RIC3: variants seen among roughly 807,000 people sequenced by gnomAD.
RIC3 encodes the protein protein RIC-3.
Under a neutral mutation model 27.3 loss-of-function variants are expected in RIC3, and 28 were observed. That is an observed-to-expected ratio of 1.02 (90% CI 0.76 to 1.41). RIC3 has a LOEUF of 1.41. Among genes scored for constraint, RIC3 ranks in the 40% most tolerant of loss-of-function variants. The pLI is 0.00. For missense variants in RIC3, 501 were observed against 444.7 expected, an observed-to-expected ratio of 1.13 and a Z score of -1.14; for synonymous variants, 184 against 160.4, an observed-to-expected ratio of 1.15 and a Z score of -1.11.
At chr11:8,143,614 T>G (rs971601232) in intron 1 of RIC3, among the ~76,000 whole-genome samples, 22 of 152,178 alleles carry the variant, frequency 1.4e-4, no homozygotes, top group African/African-American at 5.3e-4. Flanking sequence ...CAAGGTAATT[T>G]ACAGATTCAA....
intron 4 of RIC3, among the ~76,000 whole-genome samples, chr11:8,127,343 A>C (rs187805083): frequency 4.5e-4 from 69 of 152,304 alleles, no homozygotes; most frequent in African/African-American, 1.6e-3. Context: ...TTGAAAATTC[A>C]ATCATCTAGA....
At chr11:8,149,975 C>T (rs1451494809) in intron 1 of RIC3, among the ~76,000 whole-genome samples, 6 of 152,168 alleles carry the variant, frequency 3.9e-5, no homozygotes, top group African/African-American at 7.2e-5. Context: ...ATGTCTTCTG[C>T]TTCACCTTTT....
At chr11:8,119,192 A>G (rs1384782473) in intron 5 of RIC3, among the ~76,000 whole-genome samples, 4 of 152,214 alleles carry the variant, frequency 2.6e-5, no homozygotes, top group Non-Finnish European at 5.9e-5. Flanking sequence ...CAAAAATACT[A>G]TGAAAAATCC....
At chr11:8,128,892 C>T (rs1244170676) in intron 4 of RIC3, among the ~76,000 whole-genome samples, 2 of 151,640 alleles carry the variant, frequency 1.3e-5, no homozygotes, top group Non-Finnish European at 2.9e-5. Flanking sequence ...ATAGCTGGGA[C>T]TACAGGCGCC....
At chr11:8,097,974 A>G in the RIC3 span, 1 of 655,754 alleles carries the variant, frequency 1.5e-6, no homozygotes, top group East Asian at 2.7e-5. Flanking sequence ...ATCCAACTGG[A>G]GGCCTATGTC....
At chr11:8,093,915 G>A in the RIC3 span, 8 of 1,018,592 alleles carry the variant, frequency 7.9e-6, no homozygotes, top group South Asian at 8.5e-5. Flanking sequence ...GGCTGTAGAA[G>A]TGGTACAGGG....
intron 1 of RIC3, among the ~76,000 whole-genome samples, chr11:8,146,282 A>C (rs1244827588): frequency 6.6e-6 from 1 of 152,232 alleles, no homozygotes; most frequent in African/African-American, 2.4e-5. Flanking sequence ...CGTTAGGTTA[A>C]GAAAAAGCAA....
rs182366797 is a variant in RIC3, at chr11:8,126,935, T to A, written c.522-128A>T. ...TTGCAGCAGATAATTATTCTAGGAA[T>A]TGATCCTCCAACTGCATAGCTGGGA... On this transcript the variant is annotated intron_variant, in intron 4 of 5. Transcript: ENST00000309737. 1.7e-3 allele frequency: 1,798 copies of A among 1,075,668 alleles called. 5 individuals are homozygous for A. The highest frequency in any genetic ancestry group is 3.9e-3 in the Admixed American group (204 of 51,822). The allele number at this position is 1,075,668 out of a possible 1,614,324, so 66.6% of individuals were successfully genotyped here.
At chr11:8,163,323 C>T (rs1381262707) in intron 1 of RIC3, among the ~76,000 whole-genome samples, 1 of 151,992 alleles carries the variant, frequency 6.6e-6, no homozygotes, top group Non-Finnish European at 1.5e-5. Context: ...CTACGAAATG[C>T]CCCCAGATAA....
chr11:8,096,657 A>C, the RIC3 span: 1 of 1,452,628 alleles, frequency 6.9e-7, no homozygotes, highest in Non-Finnish European at 9.7e-7. Context: ...CTCCTCCTTC[A>C]TCCCTTCTTC....
intron 5 of RIC3, among the ~76,000 whole-genome samples, chr11:8,118,453 C>T (rs1030989922): frequency 7.0e-6 from 1 of 143,720 alleles, no homozygotes; most frequent in Non-Finnish European, 1.5e-5. Context: ...ATTGATAAAA[C>T]CTAGCCAGGC....
intron 4 of RIC3, among the ~76,000 whole-genome samples, chr11:8,129,839 C>T (rs1355027460): frequency 6.6e-6 from 1 of 152,140 alleles, no homozygotes; most frequent in East Asian, 1.9e-4. Flanking sequence ...TCTCTCACTC[C>T]CAGCCAATGA....
At chr11:8,167,955 T>C (rs1951866695) in intron 1 of RIC3, among the ~76,000 whole-genome samples, 1 of 152,200 alleles carries the variant, frequency 6.6e-6, no homozygotes, top group Non-Finnish European at 1.5e-5. Context: ...AGAATGGAAC[T>C]ACAGTCAATG....
At chr11:8,153,271 A>G (rs1950394569) in intron 1 of RIC3, 1 of 344,918 alleles carries the variant, frequency 2.9e-6, no homozygotes, top group East Asian at 8.0e-5. Context: ...TGTGACAGAC[A>G]CTATGTCAGG....
Position 8,138,260 on chromosome 11 carries a change from AG to A in RIC3, c.427+11del, listed in dbSNP as rs764642767. The A allele has an allele frequency of 6.3e-7, 1 of 1,585,376 alleles. No individual in the cohort carries two copies. The highest frequency in any genetic ancestry group is 8.7e-7 in the Non-Finnish European group (1 of 1,153,868). ...AATAATACCTGTGAATATACTGAGA[AG>A]GGGCACTTACTAATTTTCCTGTGGG... On this transcript the variant is annotated intron_variant, in intron 3 of 5. Transcript: ENST00000309737.
intron 1 of RIC3, among the ~76,000 whole-genome samples, chr11:8,148,489 G>A (rs1057465614): frequency 2.6e-5 from 4 of 152,092 alleles, no homozygotes; most frequent in African/African-American, 9.7e-5. Flanking sequence ...ATTATGTTGT[G>A]GAACTTCACC....
At position 8,126,745 on chromosome 11, in the gene RIC3, G is replaced by A; in HGVS notation, c.584C>T (p.Thr195Ile). ...GAATTTTCCTTCTTTCATGACCCTG[G>A]TGATTTCTCGGAGCTGATGTAGCAA... ...KRLLHQLREITRVMKEGKFID... is the reference protein window; with the variant it reads ...KRLLHQLREIIRVMKEGKFID... Residue 195 changes from threonine (T) to isoleucine (I), a missense_variant, in exon 5 of 6, where the codon ACC (threonine) becomes ATC (isoleucine). Coordinates refer to ENST00000309737, the MANE Select transcript of RIC3 (RefSeq NM_001206671.4). 1 of 1,614,088 alleles carries A rather than the reference G, an allele frequency of 6.2e-7. No homozygotes were observed. The highest frequency in any genetic ancestry group is 8.5e-7 in the Non-Finnish European group (1 of 1,180,012).
At chr11:8,145,616 T>C (rs988489212) in intron 1 of RIC3, among the ~76,000 whole-genome samples, 2 of 152,004 alleles carry the variant, frequency 1.3e-5, no homozygotes, top group African/African-American at 2.4e-5. Context: ...AAAGGGGATC[T>C]TGTGAGTGGA....
At chr11:8,096,345 G>T in the RIC3 span, among the ~76,000 whole-genome samples, 3 of 152,210 alleles carry the variant, frequency 2.0e-5, no homozygotes, top group Admixed American at 1.3e-4. Flanking sequence ...GGTGAGCTCA[G>T]TGCAGGCCTT....
Sources: gnomAD v4.1 joint callset for allele counts (sites outside exome capture counted in the v4.1 genomes callset) on GRCh38, gnomAD v4.1.1 for gene constraint, MANE v1.5 for transcripts, NCBI Gene and HGNC (gene_info 2026-07-23, HGNC 2026-07-21) for gene names.